The following CCDC181 variants were observed in gnomAD, a reference collection of about 807,000 sequenced individuals.
The protein encoded by CCDC181 is coiled-coil domain-containing protein 181.
Under a neutral mutation model 58.7 loss-of-function variants are expected in CCDC181, and 35 were observed. The observed-to-expected ratio is 0.60, with a 90% CI of 0.46 to 0.79. CCDC181 has a LOEUF of 0.79. Ranked by LOEUF, CCDC181 falls within the 30% of genes least tolerant of loss-of-function variation. CCDC181 has a pLI of 0.00. For synonymous variants in CCDC181, 183 were observed against 197.5 expected (o/e 0.93, Z 0.62); for missense variants, 517 against 583.9 (o/e 0.89, Z 1.18).
chr1:169,426,847 G>A (rs1278305412), intron 1 of CCDC181, among the ~76,000 whole-genome samples: 1 of 152,130 alleles, frequency 6.6e-6, no homozygotes, highest in Non-Finnish European at 1.5e-5. Context: ...CTGTCACAAA[G>A]TATGATGATA....
chr1:169,395,930 AACTT>A (rs753495922), intron 5 of CCDC181: 4 of 152,044 alleles, frequency 2.6e-5, no homozygotes, highest in Non-Finnish European at 4.4e-5. Context: ...AAAAAAAAGA[AACTT>A]ACTAAATATC....
Position 169,397,335 on chromosome 1 carries a change from T to C in CCDC181, c.1272A>G (p.Glu424=). The C allele has an allele frequency of 1.2e-6, 2 of 1,612,124 alleles. No individual in the cohort carries two copies. Among genetic ancestry groups the C allele is most frequent in the South Asian group, 2.2e-5 (2 of 90,772 alleles). ...CTGTCTGTCTTTCTTTCATCTGCTC[T>C]TCGTGCTTTTTTTTAAGCCATAATC... ...AFRLWLKKKH[E]EQMKERQTEE... Residue 424 remains glutamate (E), a synonymous_variant, in exon 5 of 6, where the codon GAA becomes GAG. Coordinates refer to ENST00000367806, the MANE Select transcript of CCDC181 (RefSeq NM_001300969.2).
chr1:169,427,900 G>A (rs1356278723), upstream of CCDC181, among the ~76,000 whole-genome samples: 1 of 152,120 alleles, frequency 6.6e-6, no homozygotes, highest in Non-Finnish European at 1.5e-5. Flanking sequence ...TTTGAGGCAT[G>A]TCAAAATGGT....
At position 169,421,926 on chromosome 1, in the gene CCDC181, T is replaced by C. The variant is rs1571493567; in HGVS notation, c.505A>G (p.Thr169Ala). The change falls in exon 3 of 6, where the codon ACT becomes GCT. Residue 169 changes from threonine to alanine, a missense_variant. Transcript: ENST00000367806. ...TCAAAATAATTTTTAAAAGTAGTAG[T>C]GTCTTCTAGTGGAGGAACTTCCAAA... ...VDLEVPPLEDTTTFKNYFENE... is the reference protein window; with the variant it reads ...VDLEVPPLEDATTFKNYFENE... The C allele has an allele frequency of 1.2e-6, 2 of 1,613,798 alleles. No homozygotes were observed. The highest frequency in any genetic ancestry group is 2.2e-5 in the East Asian group (1 of 44,878).
At chr1:169,408,229 G>T (rs1655777847) in intron 4 of CCDC181, among the ~76,000 whole-genome samples, 1 of 152,214 alleles carries the variant, frequency 6.6e-6, no homozygotes, top group Non-Finnish European at 1.5e-5. Flanking sequence ...CGAGCTTCTT[G>T]TGGGAAGGGG....
At chr1:169,458,092 A>G (rs1268211100) in intron 2 of CCDC181, among the ~76,000 whole-genome samples, 4 of 151,756 alleles carry the variant, frequency 2.6e-5, no homozygotes, top group Admixed American at 6.6e-5. Flanking sequence ...TCATATTTTA[A>G]GTACTCACTA....
Position 169,432,873 on chromosome 1 carries a change from G to A in CCDC181, c.-23-7923C>T, listed in dbSNP as rs114624243. Among the ~76,000 whole-genome samples, 375 of 152,144 alleles carry A rather than the reference G, an allele frequency of 2.5e-3. 2 individuals are homozygous for A. The highest frequency in any genetic ancestry group is 8.7e-3 in the African/African-American group (362 of 41,554). Reference sequence around the variant, plus strand: ...AATAAAAGGCATATATGAAAAACCCGCACCAAACATCATGCTCAATTCTGA... The same window carrying A: ...AATAAAAGGCATATATGAAAAACCCACACCAAACATCATGCTCAATTCTGA... On this transcript the variant is annotated intron_variant, in intron 2 of 6. Transcript: ENST00000545005.
At chr1:169,432,957 C>T (rs1571505177) in intron 2 of CCDC181, among the ~76,000 whole-genome samples, 1 of 152,130 alleles carries the variant, frequency 6.6e-6, no homozygotes, top group East Asian at 1.9e-4. Flanking sequence ...GCTTTCACTA[C>T]TGCTATTAAA....
chr1:169,416,056 G>C (rs1265463877), intron 4 of CCDC181, among the ~76,000 whole-genome samples: 3 of 152,186 alleles, frequency 2.0e-5, no homozygotes, highest in Non-Finnish European at 2.9e-5. Context: ...GGCTTAAGTA[G>C]ATTCCAGCTG....
At chr1:169,428,065 C>A (rs996923598), upstream of CCDC181, among the ~76,000 whole-genome samples, 3 of 152,276 alleles carry the variant, frequency 2.0e-5, no homozygotes, top group East Asian at 5.8e-4. Flanking sequence ...TTCCTCAGTA[C>A]AATCCAGTGT....
Position 169,397,363 on chromosome 1 carries a change from A to AACAACAAGCCAT in CCDC181, c.1243_1244insATGGCTTGTTGT (p.Ala414_Phe415insTyrGlyLeuLeu). Reference sequence around the variant, plus strand: ...GTGCTTTTTTTTAAGCCATAATCGAAAAGCTTGTTGTGGATCTCTGTTTTC... The same window carrying AACAACAAGCCAT: ...GTGCTTTTTTTTAAGCCATAATCGAAACAACAAGCCATAAGCTTGTTGTGGATCTCTGTTTTC... On this transcript the variant is annotated inframe_insertion, in exon 5 of 6. Transcript: ENST00000367806. 6.2e-7 allele frequency: 1 copy of AACAACAAGCCAT among 1,609,926 alleles called. No individual in the cohort carries two copies. The highest frequency in any genetic ancestry group is 8.5e-7 in the Non-Finnish European group (1 of 1,178,268).
chr1:169,437,938 A>G (rs960024464), intron 2 of CCDC181, among the ~76,000 whole-genome samples: 21 of 152,202 alleles, frequency 1.4e-4, no homozygotes, highest in African/African-American at 4.8e-4. Flanking sequence ...CTGGAGACCA[A>G]AAGAAAGTAT....
Position 169,403,792 on chromosome 1 carries a change from G to A in CCDC181, c.1216-6401C>T, listed in dbSNP as rs1487215829. ...AAACACATTCAAAAGCTAGCAGAAG[G>A]CAAGAAATAACTAAGATCAGAGCAG... On this transcript the variant is annotated intron_variant, in intron 4 of 5. Transcript: ENST00000367806. 3.9e-5 allele frequency among the ~76,000 whole-genome samples: 6 copies of A among 152,174 alleles called. No individual in the cohort carries two copies. The South Asian group carries it at 1.0e-3, about 26-fold the overall frequency.
chr1:169,422,396 T>A, intron 2 of CCDC181, 83 bp from the exon 3 acceptor site: 2 of 978,292 alleles, frequency 2.0e-6, no homozygotes, highest in Non-Finnish European at 1.4e-6. Flanking sequence ...CCTGTTCATG[T>A]AATTTATTTT....
intron 4 of CCDC181, among the ~76,000 whole-genome samples, chr1:169,402,920 A>T (rs1655432298): frequency 6.6e-6 from 1 of 152,050 alleles, no homozygotes; most frequent in South Asian, 2.1e-4. Flanking sequence ...CCATGTGCAG[A>T]GACACACATA....
upstream of CCDC181, among the ~76,000 whole-genome samples, chr1:169,428,312 C>T (rs1430978779): frequency 2.0e-5 from 3 of 152,018 alleles, no homozygotes; most frequent in African/African-American, 7.3e-5. Context: ...TGAAAAAAGA[C>T]GCTCCCAAAA....
chr1:169,421,678 G>A lies in CCDC181; in HGVS notation c.753C>T (p.Asp251=). 1 of 1,613,988 alleles carries A rather than the reference G, an allele frequency of 6.2e-7. No individual in the cohort carries two copies. Among genetic ancestry groups the A allele is most frequent in the South Asian group, 1.1e-5 (1 of 91,068 alleles). The change falls in exon 3 of 6, where the codon GAC becomes GAT. Residue 251 remains aspartate, a synonymous_variant. Transcript: ENST00000367806. ...AAGATCTGGGTAACAACTGCTGAGG[G>A]TCATTTTCTGTACTATTTGCATTAT... ...PINNANSTEN[D]PQQLLPRSSN...
chr1:169,403,856 A>C (rs1431203464), intron 4 of CCDC181, among the ~76,000 whole-genome samples: 1 of 152,244 alleles, frequency 6.6e-6, no homozygotes, highest in Non-Finnish European at 1.5e-5. Context: ...CCTTCAAAAA[A>C]ATCAATGAAT....
chr1:169,429,842 C>G (rs547689849), upstream of CCDC181, among the ~76,000 whole-genome samples: 1 of 152,154 alleles, frequency 6.6e-6, no homozygotes, highest in Non-Finnish European at 1.5e-5. Flanking sequence ...GTTTTTGTTG[C>G]GTTTGCTTTT....
Sources: allele counts gnomAD v4.1 joint callset (sites outside exome capture counted in the v4.1 genomes callset), GRCh38; gene constraint gnomAD v4.1.1; transcripts MANE v1.5; gene names NCBI Gene and HGNC (gene_info 2026-07-23, HGNC 2026-07-21).